The following ESR2 variants were observed in gnomAD, a reference collection of about 807,000 sequenced individuals.
ESR2 encodes estrogen receptor 2.
In ESR2, 36 loss-of-function variants were observed where a neutral mutation model predicts 49.6. The observed-to-expected ratio is 0.73, with a 90% CI of 0.56 to 0.96. The LOEUF is 0.96. ESR2 is among the 40% of genes least tolerant of loss of function. The pLI, the probability that ESR2 is intolerant of heterozygous loss-of-function variation, is 0.00. For missense variants in ESR2, 714 were observed against 693.0 expected (o/e 1.03, Z -0.34); for synonymous variants, 320 against 266.1 (o/e 1.20, Z -1.97).
Position 64,230,722 on chromosome 14 carries a change from C to T in ESR2, c.*2415G>A, listed in dbSNP as rs964761771. On this transcript the variant is annotated 3_prime_UTR_variant, in exon 9 of 9. Coordinates refer to ENST00000341099, the MANE Select transcript of ESR2 (RefSeq NM_001437.3). ...GGTGCTGTGAGAACAGAGCGAGATT[C>T]GGTGAGAATAGCTCAGCTGGAAACT... is the stretch of plus-strand genomic sequence containing the variant. Among the ~76,000 whole-genome samples, 11 of 151,826 alleles carry T rather than the reference C, an allele frequency of 7.2e-5. No homozygotes were observed. The highest frequency in any genetic ancestry group is 2.4e-4 in the African/African-American group (10 of 41,414).
At position 64,260,563 on chromosome 14, in the gene ESR2, C is replaced by G. The variant is rs1022500480; in HGVS notation, c.838G>C (p.Val280Leu). 6.3e-7 allele frequency: 1 copy of G among 1,597,454 alleles called. No homozygotes were observed. Among genetic ancestry groups the G allele is most frequent in the Non-Finnish European group, 8.5e-7 (1 of 1,171,064 alleles). The change falls in exon 5 of 9, where the codon GTG becomes CTG. Residue 280 changes from valine to leucine, a missense_variant. Val to Leu is a conservative substitution (Grantham distance 32). Transcript: ENST00000341099. ...GGCGCACTGGGGCGGCTGATCAGCACATGGGGCGGCTCAGCCTCCAGGAGG... is the reference window on the plus strand; with the variant it reads ...GGCGCACTGGGGCGGCTGATCAGCAGATGGGGCGGCTCAGCCTCCAGGAGG... ...LTLLEAEPPH[V>L]LISRPSAPFT...
intron 8 of ESR2, chr14:64,233,552 C>G (rs1465038405): frequency 1.9e-6 from 1 of 534,298 alleles, no homozygotes; most frequent in African/African-American, 1.9e-5. Flanking sequence ...CCTACAATGG[C>G]CTGACACATA....
chr14:64,242,450 AAATAT>A (rs2075752425), intron 7 of ESR2, among the ~76,000 whole-genome samples: 1 of 145,690 alleles, frequency 6.9e-6, no homozygotes, highest in Non-Finnish European at 1.5e-5. Context: ...CAAACAAAAA[AAATAT>A]ATATATATAT....
At chr14:64,320,096 A>G (rs909112357) in intron 1 of ESR2, among the ~76,000 whole-genome samples, 131 of 132,538 alleles carry the variant, frequency 9.9e-4, no homozygotes, top group African/African-American at 3.0e-3. Flanking sequence ...TATTATTTGC[A>G]AAAAAAAAAT....
chr14:64,310,048 TG>T (rs1396288536), intron 1 of ESR2, among the ~76,000 whole-genome samples: 1 of 151,946 alleles, frequency 6.6e-6, no homozygotes, highest in African/African-American at 2.4e-5. Flanking sequence ...ATCACGCCAC[TG>T]TACTGCAGCC....
At chr14:64,331,340 T>G (rs2077455286) in intron 1 of ESR2, among the ~76,000 whole-genome samples, 1 of 152,200 alleles carries the variant, frequency 6.6e-6, no homozygotes, top group Non-Finnish European at 1.5e-5. Context: ...TGCAAATAGC[T>G]TCAAAGTTAA....
chr14:64,306,416 G>A (rs1187794721), intron 1 of ESR2, among the ~76,000 whole-genome samples: 1 of 152,176 alleles, frequency 6.6e-6, no homozygotes, highest in African/African-American at 2.4e-5. Flanking sequence ...TTTGGACATA[G>A]TTGGATTTTG....
chr14:64,310,063 G>A (rs1003276761), intron 1 of ESR2, among the ~76,000 whole-genome samples: 2 of 151,872 alleles, frequency 1.3e-5, no homozygotes, highest in Admixed American at 6.6e-5. Flanking sequence ...TGCAGCCTGG[G>A]CGACAGAGCG....
intron 1 of ESR2, among the ~76,000 whole-genome samples, chr14:64,308,998 A>C (rs2077149567): frequency 6.6e-6 from 1 of 152,122 alleles, no homozygotes; most frequent in Admixed American, 6.5e-5. Flanking sequence ...AAGAGAAAAG[A>C]AAGAAAAGAA....
chr14:64,258,441 T>G (rs2076149084), intron 5 of ESR2, among the ~76,000 whole-genome samples: 1 of 152,090 alleles, frequency 6.6e-6, no homozygotes, highest in South Asian at 2.1e-4. Flanking sequence ...TGGAGTGAAA[T>G]GGACTCTGGT....
intron 1 of ESR2, among the ~76,000 whole-genome samples, chr14:64,289,737 G>A (rs910968555): frequency 1.2e-4 from 19 of 152,172 alleles, no homozygotes; most frequent in African/African-American, 4.6e-4. Flanking sequence ...ATCACCCCTA[G>A]TCCAGATAGC....
chr14:64,315,848 T>A (rs1008333887), intron 1 of ESR2, among the ~76,000 whole-genome samples: 3 of 151,690 alleles, frequency 2.0e-5, no homozygotes, highest in Non-Finnish European at 4.4e-5. Context: ...AGAGAGAGTG[T>A]TTCACCATGT....
intron 1 of ESR2, among the ~76,000 whole-genome samples, chr14:64,309,858 G>A (rs1003245421): frequency 2.0e-5 from 3 of 151,918 alleles, no homozygotes; most frequent in East Asian, 3.9e-4. Flanking sequence ...AGGCTGAGGC[G>A]GGCGGATCAC....
At chr14:64,309,487 T>C (rs2077156372) in intron 1 of ESR2, among the ~76,000 whole-genome samples, 1 of 151,544 alleles carries the variant, frequency 6.6e-6, no homozygotes, top group Admixed American at 6.6e-5. Context: ...GGCAGGCGCC[T>C]GTAATCCCAG....
rs374264697 is a variant in ESR2, at chr14:64,261,232, C to CTTTTTTTTTTTTTTTTTTTTTTTTT, written c.653-485_653-484insAAAAAAAAAAAAAAAAAAAAAAAAA. Among the ~76,000 whole-genome samples, 6 of 88,682 alleles carry CTTTTTTTTTTTTTTTTTTTTTTTTT rather than the reference C, an allele frequency of 6.8e-5. 2 individuals carry two copies. Among genetic ancestry groups the CTTTTTTTTTTTTTTTTTTTTTTTTT allele is most frequent in the Non-Finnish European group, 8.2e-5 (4 of 48,628 alleles). The allele number at this position is 88,682 out of a possible 152,430, so 58.2% of individuals were successfully genotyped here. On this transcript the variant is annotated intron_variant, in intron 4 of 8. Transcript: ENST00000341099. ...CAGTCTTTTTAATGCTTTTATTTTT[C>CTTTTTTTTTTTTTTTTTTTTTTTTT]TTTTTTCTTTTTTTTTTTTTTTTGA...
chr14:64,284,703 A>C (rs2076753344), intron 1 of ESR2, among the ~76,000 whole-genome samples: 1 of 152,172 alleles, frequency 6.6e-6, no homozygotes, highest in African/African-American at 2.4e-5. Context: ...TATTTGTGTT[A>C]ATAGAAAAAG....
chr14:64,232,869 G>A lies in ESR2; in HGVS notation c.*268C>T, dbSNP rs1280934718. ...CAAAGGGGAGGAAGGAAGAAGGAAA[G>A]TAAGAAAGACCACACTGAGATCCTA... On this transcript the variant is annotated 3_prime_UTR_variant, in exon 9 of 9. Transcript: ENST00000341099. The A allele has an allele frequency of 2.2e-6, 1 of 444,680 alleles. No individual in the cohort carries two copies. The highest frequency in any genetic ancestry group is 3.7e-6 in the Non-Finnish European group (1 of 270,910). The allele number at this position is 444,680 out of a possible 1,614,324, so 27.5% of individuals were successfully genotyped here. A position where few individuals can be genotyped will look rare whatever the true frequency, so the allele number is the denominator to read the frequency against.
intron 1 of ESR2, among the ~76,000 whole-genome samples, chr14:64,321,688 G>A (rs1463639435): frequency 6.6e-6 from 1 of 152,108 alleles, no homozygotes; most frequent in East Asian, 1.9e-4. Context: ...GAAAAGAAAA[G>A]CCCAGTGGTC....
At chr14:64,246,992 C>A (rs1016804680) in intron 7 of ESR2, among the ~76,000 whole-genome samples, 1 of 152,086 alleles carries the variant, frequency 6.6e-6, no homozygotes, top group Admixed American at 6.5e-5. Flanking sequence ...CCTTCAGATT[C>A]CTTCTTCATT....
Sources: gnomAD v4.1 joint callset for allele counts (sites outside exome capture counted in the v4.1 genomes callset) on GRCh38, gnomAD v4.1.1 for gene constraint, MANE v1.5 for transcripts, NCBI Gene and HGNC (gene_info 2026-07-23, HGNC 2026-07-21) for gene names.